ZNF557: variants seen among roughly 807,000 people sequenced by gnomAD.
The protein encoded by ZNF557 is CTB-25J19.9.
ZNF557 carries 19 observed loss-of-function variants against 21.2 expected under a neutral mutation model. The observed-to-expected ratio is 0.90, with a 90% CI of 0.63 to 1.32. The LOEUF (loss-of-function observed/expected upper bound fraction) is 1.32. Ranked by LOEUF, ZNF557 falls within the 40% of genes most tolerant of loss-of-function variation. The pLI is 0.00. For missense variants in ZNF557, 487 were observed against 519.8 expected (o/e 0.94, Z 0.61); for synonymous variants, 207 against 194.8 (o/e 1.06, Z -0.52).
chr19:7,079,403 C>G (rs570087553), intron 5 of ZNF557, among the ~76,000 whole-genome samples: 114 of 134,002 alleles, frequency 8.5e-4, no homozygotes, highest in East Asian at 3.0e-3. Context: ...CACCACGCCT[C>G]GCTAATTTTT....
chr19:7,078,911 T>G (rs1487938323), intron 5 of ZNF557, among the ~76,000 whole-genome samples: 1 of 152,308 alleles, frequency 6.6e-6, no homozygotes, highest in East Asian at 1.9e-4. Context: ...GTCATCAAGT[T>G]CACTAATTGT....
At chr19:7,079,389 C>G (rs1452273715) in intron 5 of ZNF557, among the ~76,000 whole-genome samples, 2 of 150,434 alleles carry the variant, frequency 1.3e-5, no homozygotes, top group African/African-American at 2.5e-5. Context: ...CTACAGGCGC[C>G]CACCACCACG....
rs1212095819 is a variant in ZNF557 at position 7,073,887 on chromosome 19, C to T, written c.-79-1109C>T. Among the ~76,000 whole-genome samples the T allele has an allele frequency of 8.5e-5, 13 of 152,222 alleles. No individual in the cohort carries two copies. In the South Asian group the frequency reaches 1.7e-3, roughly 19 times the overall value. On this transcript the variant is annotated intron_variant, in intron 2 of 7. Transcript: ENST00000252840. ...CCTGCCTTCCATGAATAGCCAGCACCGTCCACCCTCTACAGCTCTGTTTTG... is the reference window on the plus strand; with the variant it reads ...CCTGCCTTCCATGAATAGCCAGCACTGTCCACCCTCTACAGCTCTGTTTTG...
chr19:7,082,068 G>C lies in ZNF557; in HGVS notation c.426+16G>C, dbSNP rs1568409735. ...TATGAAAATGGTAAGACTAACATGG[G>C]TGATTCCTGGTTTTTTTCATGGTAG... On this transcript the variant is annotated intron_variant, in intron 7 of 7. Coordinates refer to ENST00000252840, the MANE Select transcript of ZNF557 (RefSeq NM_024341.3). 6.3e-7 allele frequency: 1 copy of C among 1,595,832 alleles called. No individual in the cohort carries two copies. The highest frequency in any genetic ancestry group is 1.3e-5 in the African/African-American group (1 of 74,404).
In ZNF557 at chr19:7,083,953, CAAG is replaced by C; in HGVS notation, c.*211_*213del. 1 of 554,140 alleles carries C rather than the reference CAAG, an allele frequency of 1.8e-6. No homozygotes were observed. The highest frequency in any genetic ancestry group is 1.9e-5 in the African/African-American group (1 of 52,950). 34.3% of individuals were successfully genotyped at this position (554,140 alleles called of 1,614,324 possible). A position where few individuals can be genotyped will look rare whatever the true frequency, so the allele number is the denominator to read the frequency against. Reference sequence around the variant, plus strand: ...AGCTCTATAGTTCTTCAGGATATCTCAAGAGGTTACAGTCCAGATGTCAGCAGA... The same window carrying C: ...AGCTCTATAGTTCTTCAGGATATCTCAGGTTACAGTCCAGATGTCAGCAGA... On this transcript the variant is annotated 3_prime_UTR_variant, in exon 8 of 8. Transcript: ENST00000252840.
intron 2 of ZNF557, among the ~76,000 whole-genome samples, chr19:7,074,760 G>A (rs1257071649): frequency 8.1e-6 from 1 of 123,680 alleles, no homozygotes; most frequent in Non-Finnish European, 1.7e-5. Flanking sequence ...GGCACGGGCT[G>A]GAGGGGGGTG....
chr19:7,083,461 A>G lies in ZNF557; in HGVS notation c.1010A>G (p.Gln337Arg). ...RTFRRRSNLT[Q>R]HIRTHTGEKP... is the part of the protein sequence containing the mutation. ...TTCAGGAGGAGGTCGAATCTGACAC[A>G]GCACATAAGAACTCATACTGGAGAA... is the stretch of plus-strand genomic sequence containing the variant. The change falls in exon 8 of 8, where the codon CAG becomes CGG. Residue 337 changes from glutamine (Q) to arginine (R), a missense_variant. Transcript: ENST00000252840. 1.2e-6 allele frequency: 2 copies of G among 1,614,214 alleles called. No individual in the cohort carries two copies. Among genetic ancestry groups the G allele is most frequent in the Non-Finnish European group, 1.7e-6 (2 of 1,180,044 alleles).
intron 2 of ZNF557, among the ~76,000 whole-genome samples, chr19:7,072,467 C>CT (rs1435507035): frequency 6.6e-6 from 1 of 152,162 alleles, no homozygotes; most frequent in Non-Finnish European, 1.5e-5. Context: ...ACTCGCCTGC[C>CT]TGAAAAGCCT....
At position 7,075,831 on chromosome 19, in the gene ZNF557, C is replaced by G. The variant is rs944275369; in HGVS notation, c.120+88C>G. Reference sequence around the variant, plus strand: ...CTTTCAGTGGCCTGGAGCCCCACGGCCAAACTTGTTCCTCAGGCATCCCAG... The same window carrying G: ...CTTTCAGTGGCCTGGAGCCCCACGGGCAAACTTGTTCCTCAGGCATCCCAG... On this transcript the variant is annotated intron_variant, in intron 4 of 7. Coordinates refer to ENST00000252840, the MANE Select transcript of ZNF557 (RefSeq NM_024341.3). 9.0e-6 allele frequency: 14 copies of G among 1,551,890 alleles called. No individual in the cohort carries two copies. The African/African-American group carries it at 1.4e-4, about 15-fold the overall frequency.
At chr19:7,070,978 C>G (rs1977446125) in intron 2 of ZNF557, among the ~76,000 whole-genome samples, 1 of 152,074 alleles carries the variant, frequency 6.6e-6, no homozygotes, top group Admixed American at 6.5e-5. Context: ...GTTGGCCAGG[C>G]TGGTCTCGAA....
chr19:7,074,888 A>G, intron 2 of ZNF557, 108 bp from the exon 3 acceptor site: 1 of 615,010 alleles, frequency 1.6e-6, no homozygotes, highest in South Asian at 1.8e-5. Flanking sequence ...GGGCACGGGC[A>G]GGAGACGGGG....
At chr19:7,074,118 A>G (rs868486476) in intron 2 of ZNF557, among the ~76,000 whole-genome samples, 3 of 151,256 alleles carry the variant, frequency 2.0e-5, no homozygotes, top group Non-Finnish European at 1.5e-5. Context: ...CTCCTGCCTC[A>G]GCCTCCCAAA....
chr19:7,071,949 C>CA (rs34333608), intron 2 of ZNF557, among the ~76,000 whole-genome samples: 23 of 141,810 alleles, frequency 1.6e-4, no homozygotes, highest in South Asian at 4.5e-4. Context: ...ACTAAAAATA[C>CA]AAAAAAAAAA....
Position 7,073,399 on chromosome 19 carries a change from G to A in ZNF557, c.-79-1597G>A, listed in dbSNP as rs150851636. 4.9e-4 allele frequency among the ~76,000 whole-genome samples: 74 copies of A among 152,148 alleles called. 1 individual carries two copies. The East Asian group carries it at 8.9e-3, about 18-fold the overall frequency. On this transcript the variant is annotated intron_variant, in intron 2 of 7. Transcript: ENST00000252840. ...TTGAACTGCTGACCTCAGGTGATCCGCCCACCTCGGCCTCCCAAAGTGCTG... is the reference window on the plus strand; with the variant it reads ...TTGAACTGCTGACCTCAGGTGATCCACCCACCTCGGCCTCCCAAAGTGCTG...
At position 7,074,916 on chromosome 19, in the gene ZNF557, G is replaced by A. The variant is rs1200420460; in HGVS notation, c.-79-80G>A. On this transcript the variant is annotated intron_variant, in intron 2 of 7. Coordinates refer to ENST00000252840, the MANE Select transcript of ZNF557 (RefSeq NM_024341.3). Reference sequence around the variant, plus strand: ...AGACGGGGTGACCGAGGCAGGGCACGGGCAGGAGACGGGGTGACCGACGCA... The same window carrying A: ...AGACGGGGTGACCGAGGCAGGGCACAGGCAGGAGACGGGGTGACCGACGCA... The A allele has an allele frequency of 3.0e-5, 34 of 1,148,360 alleles. No individual in the cohort carries two copies. The East Asian group carries it at 4.5e-4, about 15-fold the overall frequency. The allele number at this position is 1,148,360 out of a possible 1,614,324, so 71.1% of individuals were successfully genotyped here.
rs1269260929 is a variant in ZNF557, at chr19:7,084,586, C to T, written c.*842C>T. 1 of 152,132 alleles carries T rather than the reference C, an allele frequency of 6.6e-6. No individual in the cohort carries two copies. The highest frequency in any genetic ancestry group is 6.6e-5 in the Admixed American group (1 of 15,254). The allele number at this position is 152,132 out of a possible 1,614,324, so 9.4% of individuals were successfully genotyped here. On this transcript the variant is annotated 3_prime_UTR_variant, in exon 8 of 8. Coordinates refer to ENST00000252840, the MANE Select transcript of ZNF557 (RefSeq NM_024341.3). ...CAGACTAGTCTCAAACTCCTAGGTT[C>T]AAGCAGTCCTTTCATCTTGGCCTCC... is the stretch of plus-strand genomic sequence containing the variant.
rs1181506285 is a variant in ZNF557 at position 7,083,856 on chromosome 19, A to G, written c.*112A>G. 16 of 1,406,070 alleles carry G rather than the reference A, an allele frequency of 1.1e-5. No homozygotes were observed. Among genetic ancestry groups the G allele is most frequent in the Non-Finnish European group, 1.5e-5 (16 of 1,039,220 alleles). 87.1% of individuals were successfully genotyped at this position (1,406,070 alleles called of 1,614,324 possible). On this transcript the variant is annotated 3_prime_UTR_variant, in exon 8 of 8. Coordinates refer to ENST00000252840, the MANE Select transcript of ZNF557 (RefSeq NM_024341.3). ...CTACTGTGTAACAAATTACCCCCCA[A>G]AATTTTGTGGCTTCAAACAAAAACA...
chr19:7,083,853 C>A lies in ZNF557; in HGVS notation c.*109C>A, dbSNP rs1170778014. The A allele has an allele frequency of 7.0e-7, 1 of 1,431,918 alleles. No individual in the cohort carries two copies. The highest frequency in any genetic ancestry group is 1.4e-5 in the African/African-American group (1 of 69,762). 88.7% of individuals were successfully genotyped at this position (1,431,918 alleles called of 1,614,324 possible). Reference sequence around the variant, plus strand: ...CTGCTACTGTGTAACAAATTACCCCCCAAAATTTTGTGGCTTCAAACAAAA... The same window carrying A: ...CTGCTACTGTGTAACAAATTACCCCACAAAATTTTGTGGCTTCAAACAAAA... On this transcript the variant is annotated 3_prime_UTR_variant, in exon 8 of 8. Transcript: ENST00000252840.
At position 7,074,742 on chromosome 19, in the gene ZNF557, C is replaced by T. The variant is rs1312660768; in HGVS notation, c.-79-254C>T. Among the ~76,000 whole-genome samples the T allele has an allele frequency of 2.3e-5, 3 of 130,402 alleles. 1 individual carries two copies. The highest frequency in any genetic ancestry group is 5.9e-5 in the African/African-American group (2 of 34,130). 85.5% of individuals were successfully genotyped at this position (130,402 alleles called of 152,430 possible). ...GATCACAGGCTGGAGAGGGGGTGAC[C>T]GAGGCAGGGCACGGGCTGGAGGGGG... On this transcript the variant is annotated intron_variant, in intron 2 of 7. Coordinates refer to ENST00000252840, the MANE Select transcript of ZNF557 (RefSeq NM_024341.3).
Sources: allele counts gnomAD v4.1 joint callset (sites outside exome capture counted in the v4.1 genomes callset), GRCh38; gene constraint gnomAD v4.1.1; transcripts MANE v1.5; gene names NCBI Gene and HGNC (gene_info 2026-07-23, HGNC 2026-07-21).